The following PDPR variants were observed in gnomAD, a reference collection of about 807,000 sequenced individuals.
The protein encoded by PDPR is pyruvate dehydrogenase phosphatase regulatory subunit.
PDPR carries 50 observed loss-of-function variants against 102.2 expected under a neutral mutation model. That is an observed-to-expected ratio of 0.49 (90% CI 0.39 to 0.62). PDPR has a LOEUF of 0.62. Among genes scored for constraint, PDPR ranks in the 20% least tolerant of loss-of-function variants. The probability of loss-of-function intolerance (pLI) is 0.00; values close to 1 mark genes in which losing one functional copy is unlikely to be tolerated. For missense variants in PDPR, 625 were observed against 1,098.2 expected (o/e 0.57, Z 6.09); for synonymous variants, 259 against 406.0 (o/e 0.64, Z 4.35).
At chr16:70,131,807 G>A (rs1206011601) in intron 8 of PDPR, 22 of 1,371,756 alleles carry the variant, frequency 1.6e-5, no homozygotes, top group Admixed American at 9.9e-5. Context: ...TCCTTTTGAC[G>A]GTCTTCATGC....
In PDPR at chr16:70,157,111, A is replaced by C; in HGVS notation, c.*232A>C. On this transcript the variant is annotated 3_prime_UTR_variant, in exon 19 of 19. Coordinates refer to ENST00000288050, the MANE Select transcript of PDPR (RefSeq NM_017990.5). ...CACTCTGGGCTCTTCTTCCCTTCCC[A>C]CCCCTCACTCAGCTTCTCGTGGTGG... The C allele has an allele frequency of 1.4e-6, 1 of 714,730 alleles. No individual in the cohort carries two copies. The highest frequency in any genetic ancestry group is 2.5e-6 in the Non-Finnish European group (1 of 403,202). 44.3% of individuals were successfully genotyped at this position (714,730 alleles called of 1,614,324 possible). A position where few individuals can be genotyped will look rare whatever the true frequency, so the allele number is the denominator to read the frequency against.
chr16:70,125,174 C>G (rs572773619), intron 3 of PDPR, among the ~76,000 whole-genome samples: 1 of 152,224 alleles, frequency 6.6e-6, no homozygotes, highest in Non-Finnish European at 1.5e-5. Flanking sequence ...GTCAGGAATT[C>G]GAAACCAGCC....
intron 9 of PDPR, among the ~76,000 whole-genome samples, chr16:70,134,972 C>T (rs987765519): frequency 2.6e-5 from 4 of 152,136 alleles, no homozygotes; most frequent in African/African-American, 4.8e-5. Flanking sequence ...ACCTGTAATT[C>T]CATCATTTTG....
At chr16:70,115,147 A>G (rs777066780) in intron 2 of PDPR, among the ~76,000 whole-genome samples, 7 of 150,946 alleles carry the variant, frequency 4.6e-5, no homozygotes, top group South Asian at 4.1e-4. Flanking sequence ...TTTCCGAGAC[A>G]GAGTTTCACT....
intron 18 of PDPR, among the ~76,000 whole-genome samples, chr16:70,154,728 C>T (rs925135742): frequency 2.0e-5 from 3 of 152,178 alleles, no homozygotes; most frequent in Non-Finnish European, 4.4e-5. Flanking sequence ...CTGCAATGCC[C>T]TCTCATGCTC....
intron 18 of PDPR, 21 bp downstream of exon 18, chr16:70,153,594 C>T (rs368275927): frequency 7.9e-5 from 125 of 1,576,590 alleles, no homozygotes; most frequent in Non-Finnish European, 1.0e-4. Context: ...TACCCAGACT[C>T]CACTTTCACT....
chr16:70,132,466 G>C lies in PDPR; in HGVS notation c.997+166G>C, dbSNP rs566301476. On this transcript the variant is annotated intron_variant, in intron 9 of 18. Transcript: ENST00000288050. ...GCCTGGTCTGAGGATGGAGTTACTA[G>C]GTAGCAGATTCAGGGGACTAAAATC... Among the ~76,000 whole-genome samples the C allele has an allele frequency of 3.3e-5, 5 of 152,382 alleles. No individual in the cohort carries two copies. In the South Asian group the frequency reaches 1.0e-3, roughly 32 times the overall value.
intron 18 of PDPR, among the ~76,000 whole-genome samples, chr16:70,155,311 C>T (rs1051881589): frequency 2.0e-5 from 3 of 151,906 alleles, no homozygotes; most frequent in East Asian, 1.9e-4. Context: ...GACGGAGTTT[C>T]GTTCTTGTTG....
intron 15 of PDPR, among the ~76,000 whole-genome samples, chr16:70,145,019 C>G (rs1377397286): frequency 2.0e-5 from 3 of 152,166 alleles, no homozygotes; most frequent in South Asian, 4.1e-4. Flanking sequence ...CTTTGGGAGG[C>G]TGAGGCGGGC....
rs373253730 is a variant in PDPR at position 70,120,608 on chromosome 16, T to C, written c.116T>C (p.Leu39Pro). 1.9e-6 allele frequency: 3 copies of C among 1,613,892 alleles called. No homozygotes were observed. The highest frequency in any genetic ancestry group is 2.5e-6 in the Non-Finnish European group (3 of 1,179,770). Residue 39 changes from leucine (L) to proline (P), a missense_variant, in exon 3 of 19, where the codon CTG becomes CCG. Transcript: ENST00000288050. ...TSAAEARSMA[L>P]PTQAQVVICG... is the part of the protein sequence containing the mutation. ...GCTGCCGAGGCGCGTTCCATGGCCC[T>C]GCCCACCCAGGCACAGGTGGTCATC...
At chr16:70,122,905 A>C (rs1357119995) in intron 3 of PDPR, among the ~76,000 whole-genome samples, 1 of 148,268 alleles carries the variant, frequency 6.7e-6, no homozygotes, top group Middle Eastern at 3.5e-3. Flanking sequence ...TATGCAGTGG[A>C]TAGTTTTTTT....
rs770686559 is a variant in PDPR, at chr16:70,120,594, G to A, written c.102G>A (p.Ala34=). ...GAAACAGCACGTCAGCTGCCGAGGCGCGTTCCATGGCCCTGCCCACCCAGG... is the reference window on the plus strand; with the variant it reads ...GAAACAGCACGTCAGCTGCCGAGGCACGTTCCATGGCCCTGCCCACCCAGG... ...SARNSTSAAE[A]RSMALPTQAQ... is the part of the protein sequence containing the mutation. The change falls in exon 3 of 19, where the codon GCG becomes GCA. Residue 34 remains alanine (A), a synonymous_variant. Coordinates refer to ENST00000288050, the MANE Select transcript of PDPR (RefSeq NM_017990.5). 3.8e-5 allele frequency: 62 copies of A among 1,613,932 alleles called. No homozygotes were observed. The highest frequency in any genetic ancestry group is 2.7e-4 in the South Asian group (25 of 91,088).
At chr16:70,127,135 G>A (rs1964058955) in intron 3 of PDPR, 125 bp from the exon 4 acceptor site, 1 of 1,520,238 alleles carries the variant, frequency 6.6e-7, no homozygotes, top group African/African-American at 1.4e-5. Context: ...GATTATAAGT[G>A]TGAGCCACTG....
chr16:70,136,078 A>G (rs142254980), intron 9 of PDPR, 116 bp from the exon 10 acceptor site: 2 of 922,272 alleles, frequency 2.2e-6, no homozygotes, highest in Non-Finnish European at 1.6e-6. Flanking sequence ...CAAAAAAAAA[A>G]AAAAAAAAAA....
At chr16:70,131,168 C>T (rs1214710448) in intron 7 of PDPR, 134 bp from the exon 8 acceptor site, 1 of 672,244 alleles carries the variant, frequency 1.5e-6, no homozygotes. Context: ...TGAACTAAAG[C>T]AGGCTGACTT....
intron 3 of PDPR, among the ~76,000 whole-genome samples, chr16:70,125,398 A>AAAACC (rs56891998): frequency 2.4e-4 from 35 of 147,190 alleles, no homozygotes; most frequent in African/African-American, 8.4e-4. Flanking sequence ...AAACAAAAAA[A>AAAACC]CAAAAATTAG....
At chr16:70,148,998 CA>C (rs1192710066) in intron 17 of PDPR, among the ~76,000 whole-genome samples, 19 of 151,992 alleles carry the variant, frequency 1.3e-4, no homozygotes, top group African/African-American at 3.6e-4. Flanking sequence ...GGGCTCAAGC[CA>C]CCCTCCCACC....
intron 18 of PDPR, among the ~76,000 whole-genome samples, chr16:70,154,217 A>G (rs1445218756): frequency 1.3e-5 from 2 of 151,952 alleles, no homozygotes; most frequent in Non-Finnish European, 2.9e-5. Context: ...AGTTCCAGCT[A>G]CTCGGGAGGC....
intron 1 of PDPR, among the ~76,000 whole-genome samples, 189 bp from the exon 2 acceptor site, chr16:70,114,632 T>G (rs1027743874): frequency 1.3e-5 from 2 of 152,236 alleles, no homozygotes; most frequent in African/African-American, 4.8e-5. Context: ...CCCGTAAGGT[T>G]GTCCGCTCGT....
Sources: allele counts gnomAD v4.1 joint callset (sites outside exome capture counted in the v4.1 genomes callset), GRCh38; gene constraint gnomAD v4.1.1; transcripts MANE v1.5; gene names NCBI Gene and HGNC (gene_info 2026-07-23, HGNC 2026-07-21).